Variants in MTSS1 observed in about 807,000 individuals in gnomAD.
The protein encoded by MTSS1 is MTSS I-BAR domain containing 1.
Under a neutral mutation model 79.0 loss-of-function variants are expected in MTSS1, and 18 were observed. The ratio of observed to expected loss-of-function variants is 0.23; its 90% CI spans 0.16 to 0.34. MTSS1 has a LOEUF of 0.34. Ranked by LOEUF, MTSS1 falls within the 10% of genes least tolerant of loss-of-function variation. The pLI is 1.00. For synonymous variants in MTSS1, 341 were observed against 368.6 expected (o/e 0.93, Z 0.86); for missense variants, 815 against 986.2 (o/e 0.83, Z 2.33).
chr8:124,647,610 A>T (rs1340500762), intron 3 of MTSS1, among the ~76,000 whole-genome samples: 2 of 152,162 alleles, frequency 1.3e-5, no homozygotes, highest in African/African-American at 2.4e-5. Flanking sequence ...AATATAAAAA[A>T]AAAGATGTGT....
chr8:124,722,281 C>A (rs1013675164), intron 1 of MTSS1, among the ~76,000 whole-genome samples: 1 of 152,118 alleles, frequency 6.6e-6, no homozygotes, highest in Admixed American at 6.5e-5. Context: ...TTGTCCAGCC[C>A]CCAGAGAATC....
chr8:124,680,026 T>G (rs1237009361), intron 3 of MTSS1, among the ~76,000 whole-genome samples: 1 of 152,144 alleles, frequency 6.6e-6, no homozygotes, highest in African/African-American at 2.4e-5. Context: ...TTTTTAATAC[T>G]AGGGTGAGCA....
At chr8:124,670,720 G>A (rs1191064850) in intron 3 of MTSS1, among the ~76,000 whole-genome samples, 1 of 152,074 alleles carries the variant, frequency 6.6e-6, no homozygotes, top group Non-Finnish European at 1.5e-5. Flanking sequence ...AGAGGTTAAG[G>A]ACAAGCAATA....
intron 4 of MTSS1, among the ~76,000 whole-genome samples, chr8:124,589,931 A>G (rs1390951690): frequency 6.6e-6 from 1 of 152,072 alleles, no homozygotes; most frequent in Non-Finnish European, 1.5e-5. Flanking sequence ...ATCTCGGCTC[A>G]CTGCAACCAC....
chr8:124,603,945 T>C (rs941279445), intron 3 of MTSS1, among the ~76,000 whole-genome samples: 1 of 152,116 alleles, frequency 6.6e-6, no homozygotes, highest in Non-Finnish European at 1.5e-5. Context: ...AATACACTAA[T>C]GATAGCTGAT....
intron 3 of MTSS1, among the ~76,000 whole-genome samples, chr8:124,650,029 C>G (rs1000741381): frequency 6.7e-6 from 1 of 149,496 alleles, no homozygotes; most frequent in Non-Finnish European, 1.5e-5. Context: ...CGCTGAAGAG[C>G]CTTTTTTTTT....
At chr8:124,708,279 C>T (rs1260740305) in intron 1 of MTSS1, among the ~76,000 whole-genome samples, 1 of 152,124 alleles carries the variant, frequency 6.6e-6, no homozygotes, top group Admixed American at 6.5e-5. Context: ...AGAAAGTGCT[C>T]GGTGCAGTGC....
chr8:124,611,114 C>CT (rs924868349), intron 3 of MTSS1, among the ~76,000 whole-genome samples: 1 of 148,548 alleles, frequency 6.7e-6, no homozygotes, highest in Non-Finnish European at 1.5e-5. Context: ...AGACCCCCCC[C>CT]CCCCAGCATG....
At chr8:124,558,456 G>C (rs1379587823) in intron 10 of MTSS1, among the ~76,000 whole-genome samples, 1 of 152,090 alleles carries the variant, frequency 6.6e-6, no homozygotes, top group Non-Finnish European at 1.5e-5. Context: ...CACCTGGTCT[G>C]GGAGAAAGCC....
intron 3 of MTSS1, among the ~76,000 whole-genome samples, chr8:124,626,305 C>T (rs937357385): frequency 1.3e-5 from 2 of 152,150 alleles, no homozygotes; most frequent in African/African-American, 4.8e-5. Flanking sequence ...CTGGGCCAGT[C>T]CACCACCAGC....
At chr8:124,705,681 A>T (rs1564027322) in intron 1 of MTSS1, among the ~76,000 whole-genome samples, 1 of 152,146 alleles carries the variant, frequency 6.6e-6, no homozygotes, top group Non-Finnish European at 1.5e-5. Context: ...CCCAATTAAA[A>T]CTGTCTAAAA....
Position 124,684,582 on chromosome 8 carries a change from G to A in MTSS1, c.208+14944C>T, listed in dbSNP as rs1259279785. 2.6e-5 allele frequency among the ~76,000 whole-genome samples: 4 copies of A among 152,130 alleles called. No individual in the cohort carries two copies. In the East Asian group the frequency reaches 7.7e-4, roughly 29 times the overall value. Reference sequence around the variant, plus strand: ...TGAAAACTTCAACATCATAAGAAAAGGCATATATTTGACCTGCTACATGTA... The same window carrying A: ...TGAAAACTTCAACATCATAAGAAAAAGCATATATTTGACCTGCTACATGTA... On this transcript the variant is annotated intron_variant, in intron 3 of 13. Transcript: ENST00000518547.
At chr8:124,634,063 T>C (rs1337355040) in intron 3 of MTSS1, among the ~76,000 whole-genome samples, 2 of 151,934 alleles carry the variant, frequency 1.3e-5, no homozygotes, top group Non-Finnish European at 2.9e-5. Context: ...TTGAGACCAG[T>C]AGGAAGGATA....
In MTSS1 at chr8:124,601,432, T is replaced by C. The variant is rs192002507; in HGVS notation, c.209-10197A>G. Among the ~76,000 whole-genome samples, 389 of 152,262 alleles carry C rather than the reference T, an allele frequency of 2.6e-3. 2 individuals carry two copies. Among genetic ancestry groups the C allele is most frequent in the Non-Finnish European group, 4.2e-3 (285 of 68,010 alleles). On this transcript the variant is annotated intron_variant, in intron 3 of 13. Coordinates refer to ENST00000518547, the MANE Select transcript of MTSS1 (RefSeq NM_014751.6). Reference sequence around the variant, plus strand: ...TCACCAGCTTCCTTCCAGCCAAGAATGAAAAGGAAAGCTCCTACAAAATCC... The same window carrying C: ...TCACCAGCTTCCTTCCAGCCAAGAACGAAAAGGAAAGCTCCTACAAAATCC...
At chr8:124,584,883 C>T (rs996973616) in intron 6 of MTSS1, among the ~76,000 whole-genome samples, 2 of 152,184 alleles carry the variant, frequency 1.3e-5, no homozygotes, top group Admixed American at 6.6e-5. Context: ...GGAAGGAACA[C>T]GTCAAGTACC....
chr8:124,610,845 G>A (rs542800446), intron 3 of MTSS1, among the ~76,000 whole-genome samples: 94 of 152,048 alleles, frequency 6.2e-4, no homozygotes, highest in Admixed American at 1.4e-3. Flanking sequence ...GAGCCCAAAC[G>A]AAACAAAAAA....
At chr8:124,568,100 G>C (rs1826926125) in intron 7 of MTSS1, 2 of 732,674 alleles carry the variant, frequency 2.7e-6, no homozygotes, top group Admixed American at 6.7e-5. Flanking sequence ...GTTCCCACGT[G>C]ATGCTGCTGA....
intron 3 of MTSS1, among the ~76,000 whole-genome samples, chr8:124,615,017 T>G (rs1262956056): frequency 6.6e-6 from 1 of 152,122 alleles, no homozygotes; most frequent in Non-Finnish European, 1.5e-5. Context: ...ACAGTGTATG[T>G]TGGAGGTTCC....
chr8:124,696,679 T>G (rs1415452558), intron 3 of MTSS1, among the ~76,000 whole-genome samples: 3 of 151,858 alleles, frequency 2.0e-5, no homozygotes, highest in African/African-American at 7.3e-5. Context: ...GACGAAACCC[T>G]GTCTCTACTA....
Sources: allele counts gnomAD v4.1 joint callset (sites outside exome capture counted in the v4.1 genomes callset), GRCh38; gene constraint gnomAD v4.1.1; transcripts MANE v1.5; gene names NCBI Gene and HGNC (gene_info 2026-07-23, HGNC 2026-07-21).